The following NOL4L variants were observed in gnomAD, a reference collection of about 807,000 sequenced individuals.
NOL4L encodes the protein nucleolar protein 4 like, also known as nucleolar protein 4-like.
Under a neutral mutation model 64.5 loss-of-function variants are expected in NOL4L, and 7 were observed. The ratio of observed to expected loss-of-function variants is 0.11; its 90% CI spans 0.06 to 0.20. NOL4L has a LOEUF of 0.20. Among genes scored for constraint, NOL4L ranks in the 10% least tolerant of loss-of-function variants. The pLI is 1.00. For missense variants in NOL4L, 680 were observed against 967.1 expected (o/e 0.70, Z 3.94); for synonymous variants, 413 against 401.0 (o/e 1.03, Z -0.36).
chr20:32,487,728 A>G (rs796784277), intron 4 of NOL4L, among the ~76,000 whole-genome samples: 15 of 152,276 alleles, frequency 9.9e-5, no homozygotes, highest in African/African-American at 3.6e-4. Flanking sequence ...TTACGTTTTT[A>G]GATCAGGGGA....
chr20:32,494,278 A>C (rs796215603), intron 4 of NOL4L, among the ~76,000 whole-genome samples: 2,278 of 84,766 alleles, frequency 0.027, 171 homozygotes, highest in African/African-American at 0.076. Flanking sequence ...AAAAAAAAAA[A>C]AAAACACACA....
chr20:32,486,685 AG>A, intron 4 of NOL4L: 1 of 467,730 alleles, frequency 2.1e-6, no homozygotes, highest in Non-Finnish European at 4.4e-6. Context: ...ATGACAGAGA[AG>A]AAAATGTACC....
intron 4 of NOL4L, among the ~76,000 whole-genome samples, chr20:32,490,349 G>C (rs1252106222): frequency 1.3e-5 from 2 of 151,928 alleles, no homozygotes; most frequent in African/African-American, 4.8e-5. Context: ...TGGGGGACTG[G>C]GGGGTGAGAG....
At chr20:32,450,130 C>A (rs918874741) in intron 10 of NOL4L, 1 of 152,218 alleles carries the variant, frequency 6.6e-6, no homozygotes, top group African/African-American at 2.4e-5. Flanking sequence ...TACCCAGCAC[C>A]CCAGGCAAGA....
At chr20:32,507,766 T>C (rs970127545) in intron 4 of NOL4L, among the ~76,000 whole-genome samples, 4 of 152,140 alleles carry the variant, frequency 2.6e-5, no homozygotes, top group Non-Finnish European at 5.9e-5. Flanking sequence ...TCCCAGCACT[T>C]TGGGAGGCTA....
chr20:32,478,124 C>T (rs1422711406), intron 4 of NOL4L, among the ~76,000 whole-genome samples: 1 of 152,146 alleles, frequency 6.6e-6, no homozygotes, highest in Non-Finnish European at 1.5e-5. Flanking sequence ...CACACTGTCA[C>T]CGCACCATGG....
At chr20:32,474,837 T>C in intron 4 of NOL4L, 95 bp from the exon 5 acceptor site, 1 of 1,465,834 alleles carries the variant, frequency 6.8e-7, no homozygotes, top group Non-Finnish European at 9.1e-7. Flanking sequence ...AGTGGGCGTT[T>C]GGGAGTGCCC....
intron 4 of NOL4L, among the ~76,000 whole-genome samples, chr20:32,491,538 G>T (rs1263238054): frequency 6.6e-6 from 1 of 152,198 alleles, no homozygotes; most frequent in Non-Finnish European, 1.5e-5. Flanking sequence ...GTTCTTAGAA[G>T]AGTTACCCTG....
intron 1 of NOL4L, among the ~76,000 whole-genome samples, chr20:32,566,430 A>G (rs1406528325): frequency 6.6e-6 from 1 of 151,680 alleles, no homozygotes; most frequent in Non-Finnish European, 1.5e-5. Flanking sequence ...GGCATCACTG[A>G]CTCCCGTGGG....
intron 5 of NOL4L, among the ~76,000 whole-genome samples, chr20:32,462,057 C>A (rs1015881345): frequency 6.6e-6 from 1 of 152,048 alleles, no homozygotes; most frequent in Non-Finnish European, 1.5e-5. Context: ...AAGCTGGGCC[C>A]GAGGACATCA....
chr20:32,526,882 G>T (rs1286683099), intron 2 of NOL4L, among the ~76,000 whole-genome samples: 1 of 152,210 alleles, frequency 6.6e-6, no homozygotes, highest in Non-Finnish European at 1.5e-5. Flanking sequence ...CTATGTATGA[G>T]CTGTGGATAG....
intron 1 of NOL4L, among the ~76,000 whole-genome samples, chr20:32,554,116 C>G (rs181299847): frequency 1.3e-5 from 2 of 151,972 alleles, no homozygotes; most frequent in South Asian, 2.1e-4. Flanking sequence ...GTCAGGAGAT[C>G]GAGACCATCC....
At position 32,453,714 on chromosome 20, in the gene NOL4L, G is replaced by A; in HGVS notation, c.1167C>T (p.Val389=). 6.4e-7 allele frequency: 1 copy of A among 1,558,446 alleles called. No homozygotes were observed. ...SGSYDSIKTE[V]SGCPEDLTVG... is the part of the protein sequence containing the mutation. The stretch of plus-strand genomic sequence containing the variant: ...CTGTCAGGTCCTCAGGGCAGCCGCT[G>A]ACCTCGGTCTTGATGGAATCGTAGC... Residue 389 remains valine (V), a synonymous_variant, in exon 7 of 11, where the codon GTC becomes GTT. Transcript: ENST00000621426. The surrounding 1 kb of genome is among the most constrained non-coding windows in gnomAD (Gnocchi z 5.6).
rs1237622340 is a variant in NOL4L at position 32,452,358 on chromosome 20, G to A, written c.1700C>T (p.Ser567Phe). The stretch of plus-strand genomic sequence containing the variant: ...GTACACAGGGTCCTGGGAGTAGGAG[G>A]AGGCTGGCAGTGAGTAGGTGGAGTG... The part of the protein sequence containing the change: ...ITHSTYSLPA[S>F]SYSQDPVYAN... The change falls in exon 10 of 11, where the codon TCC becomes TTC. Residue 567 changes from serine to phenylalanine, a missense_variant. Transcript: ENST00000621426. 1.2e-6 allele frequency: 2 copies of A among 1,612,548 alleles called. No individual in the cohort carries two copies. Among genetic ancestry groups the A allele is most frequent in the Middle Eastern group, 1.6e-4 (1 of 6,070 alleles).
intron 1 of NOL4L, among the ~76,000 whole-genome samples, chr20:32,562,698 G>C (rs1034378195): frequency 3.3e-5 from 5 of 151,784 alleles, no homozygotes; most frequent in African/African-American, 1.2e-4. Context: ...CCTATCTCTG[G>C]AATCTCTGCC....
At chr20:32,524,246 T>C (rs1035176462) in intron 2 of NOL4L, among the ~76,000 whole-genome samples, 2 of 152,162 alleles carry the variant, frequency 1.3e-5, no homozygotes, top group African/African-American at 4.8e-5. Context: ...ACCCTGGTGC[T>C]GGAGAGACCT....
rs71299231 is a variant in NOL4L at position 32,446,228 on chromosome 20, T to TATCAATCAATCA, written c.*1356_*1367dup. 6.6e-6 allele frequency: 1 copy of TATCAATCAATCA among 151,768 alleles called. No homozygotes were observed. Among genetic ancestry groups the TATCAATCAATCA allele is most frequent in the Non-Finnish European group, 1.5e-5 (1 of 68,010 alleles). 9.4% of individuals were successfully genotyped at this position (151,768 alleles called of 1,614,324 possible). A position where few individuals can be genotyped will look rare whatever the true frequency, so the allele number is the denominator to read the frequency against. On this transcript the variant is annotated 3_prime_UTR_variant, in exon 11 of 11. Transcript: ENST00000621426. ...ATTGCACTGAGCAAGAGGAAGTGCC[T>TATCAATCAATCA]ATCAATCAATCAATCAGGGAGGAAG... is the stretch of plus-strand genomic sequence containing the variant.
Position 32,447,403 on chromosome 20 carries a change from CA to C in NOL4L, c.*192del, listed in dbSNP as rs386393630. The C allele has an allele frequency of 0.062, 9,311 of 148,996 alleles. No homozygotes were observed. Among genetic ancestry groups the C allele is most frequent in the Middle Eastern group, 0.11 (60 of 562 alleles). The allele number at this position is 148,996 out of a possible 1,614,324, so 9.2% of individuals were successfully genotyped here. On this transcript the variant is annotated 3_prime_UTR_variant, in exon 11 of 11. Coordinates refer to ENST00000621426, the MANE Select transcript of NOL4L (RefSeq NM_001256798.2). ...TCAGAGCACCCGTGTGGTGAGATTCCAAAAAAAAAAAAAAAAAAAAAAAAAA... is the reference window on the plus strand; with the variant it reads ...TCAGAGCACCCGTGTGGTGAGATTCCAAAAAAAAAAAAAAAAAAAAAAAAA...
chr20:32,486,395 G>C (rs2016086980), intron 4 of NOL4L, among the ~76,000 whole-genome samples: 1 of 152,150 alleles, frequency 6.6e-6, no homozygotes, highest in African/African-American at 2.4e-5. Context: ...TGCTTCGGGG[G>C]GACAATGCTG....
Sources: allele counts gnomAD v4.1 joint callset (sites outside exome capture counted in the v4.1 genomes callset), GRCh38; gene constraint gnomAD v4.1.1; non-coding constraint Gnocchi (gnomAD v3.1); transcripts MANE v1.5; gene names NCBI Gene and HGNC (gene_info 2026-07-23, HGNC 2026-07-21).